Variants in DLC1 observed in about 807,000 individuals in gnomAD.
The protein encoded by DLC1 is DLC1 Rho GTPase activating protein.
A neutral mutation model predicts 140.3 loss-of-function variants in DLC1; 54 were observed. That is an observed-to-expected ratio of 0.38 (90% confidence interval 0.31 to 0.48). DLC1 has a LOEUF of 0.48. Among genes scored for constraint, DLC1 ranks in the 20% least tolerant of loss-of-function variants. DLC1 has a pLI of 0.96. For missense variants in DLC1, 2,536 were observed against 1,907.0 expected, an observed-to-expected ratio of 1.33 and a Z score of -6.14; for synonymous variants, 986 against 728.1, an observed-to-expected ratio of 1.35 and a Z score of -5.70.
intron 5 of DLC1, among the ~76,000 whole-genome samples, chr8:13,222,680 A>T (rs1828613708): frequency 6.6e-6 from 1 of 152,030 alleles, no homozygotes; most frequent in African/African-American, 2.4e-5. Flanking sequence ...CTAGGTACTG[A>T]GTCTTTCTTG....
At chr8:13,266,879 C>T (rs766054722) in intron 5 of DLC1, among the ~76,000 whole-genome samples, 3 of 152,116 alleles carry the variant, frequency 2.0e-5, no homozygotes, top group Non-Finnish European at 4.4e-5. Context: ...AACTAATGCC[C>T]GTGTGCTTTG....
chr8:13,214,568 T>G (rs2117121222), intron 5 of DLC1: 1 of 661,458 alleles, frequency 1.5e-6, no homozygotes, highest in East Asian at 2.5e-5. Context: ...TTTTTTTTTT[T>G]TTTTTTGTGG....
At position 13,347,749 on chromosome 8, in the gene DLC1, C is replaced by T. The variant is rs1177627070; in HGVS notation, c.1315-42447G>A. 2.6e-5 allele frequency among the ~76,000 whole-genome samples: 4 copies of T among 152,094 alleles called. No individual in the cohort carries two copies. The East Asian group carries it at 5.8e-4, about 22-fold the overall frequency. On this transcript the variant is annotated intron_variant, in intron 4 of 17. Coordinates refer to ENST00000276297, the MANE Select transcript of DLC1 (RefSeq NM_182643.3). The stretch of plus-strand genomic sequence containing the variant: ...CAGAAGCATGAATAACTCATTTCAA[C>T]ATATGAAGTAAGTATAGGTAAGGTG...
intron 3 of DLC1, among the ~76,000 whole-genome samples, chr8:13,398,662 C>T (rs1488597151): frequency 6.7e-6 from 1 of 149,278 alleles, no homozygotes; most frequent in Non-Finnish European, 1.5e-5. Flanking sequence ...GTAGTCCCAA[C>T]TATACTTGCT....
At chr8:13,590,955 A>G (rs1031894784) in intron 1 of DLC1, among the ~76,000 whole-genome samples, 5 of 152,074 alleles carry the variant, frequency 3.3e-5, no homozygotes, top group Non-Finnish European at 7.4e-5. Flanking sequence ...TGCTTTTACA[A>G]ATTTGGCCAA....
chr8:13,189,578 A>G (rs11781169), intron 5 of DLC1, among the ~76,000 whole-genome samples: 7 of 151,582 alleles, frequency 4.6e-5, no homozygotes, highest in Non-Finnish European at 8.8e-5. Flanking sequence ...TGTGATTAGC[A>G]CGGAGAGAAA....
chr8:13,279,819 A>G (rs191187602), intron 5 of DLC1, among the ~76,000 whole-genome samples: 64 of 152,324 alleles, frequency 4.2e-4, no homozygotes, highest in African/African-American at 1.5e-3. Context: ...CCACTTAGAC[A>G]ATAATTTCTC....
In DLC1 at chr8:13,599,990, G is replaced by A. The variant is rs1331848881; in HGVS notation, c.-126+4547C>T. Among the ~76,000 whole-genome samples the A allele has an allele frequency of 3.3e-5, 5 of 151,954 alleles. No homozygotes were observed. In the South Asian group the frequency reaches 8.3e-4, roughly 25 times the overall value. ...TTCACCACCTTCACCATTATCAAAT[G>A]AGCCTTGCCTGAAATCAGAAGCACT... On this transcript the variant is annotated intron_variant, in intron 1 of 1. Coordinates refer to the DLC1 transcript ENST00000631382.
upstream of DLC1, chr8:13,514,866 G>C (rs954161963): frequency 2.9e-5 from 11 of 384,798 alleles, no homozygotes; most frequent in Non-Finnish European, 2.8e-5. Context: ...TTTTGCAAAA[G>C]GGGCCTCCAC....
rs574596871 is a variant in DLC1 at position 13,325,677 on chromosome 8, C to G, written c.1315-20375G>C. On this transcript the variant is annotated intron_variant, in intron 4 of 17. Coordinates refer to ENST00000276297, the MANE Select transcript of DLC1 (RefSeq NM_182643.3). ...GGAAAATGCTATAACGATTTAGGAACTTACAGAATAAAGAACGTTCGGCAT... is the reference window on the plus strand; with the variant it reads ...GGAAAATGCTATAACGATTTAGGAAGTTACAGAATAAAGAACGTTCGGCAT... Among the ~76,000 whole-genome samples the G allele has an allele frequency of 3.3e-5, 5 of 152,258 alleles. No homozygotes were observed. The South Asian group carries it at 1.0e-3, about 32-fold the overall frequency.
intron 5 of DLC1, among the ~76,000 whole-genome samples, chr8:13,165,983 A>C (rs113537734): frequency 1.3e-5 from 2 of 152,220 alleles, no homozygotes; most frequent in South Asian, 4.2e-4. Flanking sequence ...CTATGTCACT[A>C]TTTCCACCAC....
chr8:13,469,052 C>A (rs377461118), intron 2 of DLC1, among the ~76,000 whole-genome samples: 66 of 152,134 alleles, frequency 4.3e-4, no homozygotes, highest in African/African-American at 1.6e-3. Flanking sequence ...AACGCCTGAC[C>A]TCGTGATCTG....
intron 4 of DLC1, among the ~76,000 whole-genome samples, chr8:13,325,955 T>C (rs1232950387): frequency 6.6e-6 from 1 of 152,202 alleles, no homozygotes; most frequent in African/African-American, 2.4e-5. Context: ...AAACCGGATG[T>C]ATGACACTTG....
intron 4 of DLC1, among the ~76,000 whole-genome samples, chr8:13,373,173 C>T (rs1586228257): frequency 6.6e-6 from 1 of 152,038 alleles, no homozygotes; most frequent in Admixed American, 6.6e-5. Context: ...GAGCCTGGCC[C>T]CAAATGAGAA....
intron 5 of DLC1, among the ~76,000 whole-genome samples, chr8:13,272,442 G>GCAAA (rs536605053): frequency 2.1e-4 from 32 of 152,030 alleles, no homozygotes; most frequent in South Asian, 6.2e-4. Context: ...CTCTGTCTCA[G>GCAAA]CAAACAAACA....
intron 5 of DLC1, among the ~76,000 whole-genome samples, chr8:13,218,849 T>TATATAATTATATGTGA (rs1828345653): frequency 1.6e-5 from 2 of 126,858 alleles, no homozygotes; most frequent in Non-Finnish European, 3.2e-5. Flanking sequence ...TGAATATAAT[T>TATATAATTATATGTGA]ATATAATTAT....
At chr8:13,315,467 A>G (rs943744030) in intron 4 of DLC1, among the ~76,000 whole-genome samples, 4 of 152,230 alleles carry the variant, frequency 2.6e-5, no homozygotes, top group Admixed American at 1.3e-4. Flanking sequence ...CCTCTGAGGT[A>G]CATGTCTGAA....
chr8:13,114,820 G>C (rs1190810968), intron 6 of DLC1, among the ~76,000 whole-genome samples: 1 of 152,138 alleles, frequency 6.6e-6, no homozygotes, highest in Non-Finnish European at 1.5e-5. Flanking sequence ...ATATCCATTT[G>C]GTTGGCAAAA....
At chr8:13,528,136 G>A (rs973401125) in intron 1 of DLC1, among the ~76,000 whole-genome samples, 2 of 151,908 alleles carry the variant, frequency 1.3e-5, no homozygotes, top group African/African-American at 4.8e-5. Context: ...GGAATACAAC[G>A]ATAACTGAAA....
Sources: gnomAD v4.1 joint callset for allele counts (sites outside exome capture counted in the v4.1 genomes callset) on GRCh38, gnomAD v4.1.1 for gene constraint, MANE v1.5 for transcripts, NCBI Gene and HGNC (gene_info 2026-07-23, HGNC 2026-07-21) for gene names.